The following ADGRB3 variants were observed in gnomAD, a reference collection of about 807,000 sequenced individuals.
ADGRB3 encodes adhesion G protein-coupled receptor B3, also known as brain-specific angiogenesis inhibitor 3.
In ADGRB3, 37 loss-of-function variants were observed where a neutral mutation model predicts 193.4. The observed-to-expected ratio is 0.19, with a 90% CI of 0.15 to 0.25. The LOEUF is 0.25. Ranked by LOEUF, ADGRB3 falls within the 10% of genes least tolerant of loss-of-function variation. ADGRB3 has a pLI of 1.00. For synonymous variants in ADGRB3, 690 were observed against 644.2 expected, an observed-to-expected ratio of 1.07 and a Z score of -1.08; for missense variants, 1,637 against 1,852.9, an observed-to-expected ratio of 0.88 and a Z score of 2.14.
intron 20 of ADGRB3, among the ~76,000 whole-genome samples, chr6:69,316,992 T>C (rs1304485671): frequency 6.6e-6 from 1 of 151,560 alleles, no homozygotes; most frequent in Non-Finnish European, 1.5e-5. Flanking sequence ...GCGTAGTTAC[T>C]ATTTTTTGAT....
chr6:68,767,891 C>G (rs555769083), intron 3 of ADGRB3, among the ~76,000 whole-genome samples: 3 of 152,012 alleles, frequency 2.0e-5, no homozygotes, highest in East Asian at 3.9e-4. Flanking sequence ...CCCTATACAC[C>G]AATGTTAGAT....
chr6:69,153,212 A>T (rs1189338680), intron 17 of ADGRB3, among the ~76,000 whole-genome samples: 1 of 152,210 alleles, frequency 6.6e-6, no homozygotes. Flanking sequence ...TAGGGCAGAG[A>T]TTAACCCATG....
At chr6:69,029,976 GCACA>G (rs10653397) in intron 13 of ADGRB3, among the ~76,000 whole-genome samples, 15,344 of 145,216 alleles carry the variant, frequency 0.11, 990 homozygotes, top group Non-Finnish European at 0.16. Flanking sequence ...TATATAGAAT[GCACA>G]CACACACACA....
At chr6:69,339,761 G>T (rs774686270) in intron 26 of ADGRB3, among the ~76,000 whole-genome samples, 1 of 152,132 alleles carries the variant, frequency 6.6e-6, no homozygotes, top group Non-Finnish European at 1.5e-5. Context: ...AGGAAGAATA[G>T]ATTTAAAAGA....
At chr6:68,704,206 A>G (rs1287201159) in intron 3 of ADGRB3, among the ~76,000 whole-genome samples, 2 of 152,226 alleles carry the variant, frequency 1.3e-5, no homozygotes, top group African/African-American at 2.4e-5. Context: ...ACTATTGAGC[A>G]AAGCATGATG....
chr6:69,162,375 T>C (rs1244206205), intron 17 of ADGRB3, among the ~76,000 whole-genome samples: 2 of 152,118 alleles, frequency 1.3e-5, no homozygotes, highest in Non-Finnish European at 2.9e-5. Context: ...AAAAGAACTG[T>C]GTGGAGCTAA....
intron 17 of ADGRB3, among the ~76,000 whole-genome samples, chr6:69,169,626 G>T (rs1271341471): frequency 2.6e-5 from 4 of 151,148 alleles, no homozygotes; most frequent in Non-Finnish European, 4.4e-5. Context: ...AATACCATAG[G>T]TATTGAGAAT....
intron 3 of ADGRB3, among the ~76,000 whole-genome samples, chr6:68,824,332 T>G (rs1443092376): frequency 6.6e-6 from 1 of 151,740 alleles, no homozygotes; most frequent in African/African-American, 2.4e-5. Context: ...CAATTGCATT[T>G]TAAATTATAA....
chr6:69,212,797 G>A (rs542296558), intron 17 of ADGRB3, among the ~76,000 whole-genome samples: 6 of 152,308 alleles, frequency 3.9e-5, no homozygotes, highest in Non-Finnish European at 7.4e-5. Context: ...TTATCAGCAA[G>A]TCAGAACCAG....
At chr6:68,950,182 T>C (rs1767878078) in intron 6 of ADGRB3, among the ~76,000 whole-genome samples, 1 of 152,070 alleles carries the variant, frequency 6.6e-6, no homozygotes, top group African/African-American at 2.4e-5. Flanking sequence ...GCCTCTTGAG[T>C]AGCTGAGACT....
intron 17 of ADGRB3, among the ~76,000 whole-genome samples, chr6:69,104,901 A>G (rs931197571): frequency 5.3e-5 from 8 of 152,186 alleles, no homozygotes; most frequent in Admixed American, 5.2e-4. Context: ...CATCCAAAAG[A>G]TATTTTTCTT....
intron 17 of ADGRB3, among the ~76,000 whole-genome samples, chr6:69,191,619 G>A (rs548686038): frequency 1.3e-5 from 2 of 152,008 alleles, no homozygotes; most frequent in African/African-American, 4.8e-5. Context: ...CAAAGCTTTG[G>A]GGATTACAAA....
chr6:68,801,493 G>A (rs112043087), intron 3 of ADGRB3, among the ~76,000 whole-genome samples: 1 of 151,960 alleles, frequency 6.6e-6, no homozygotes, highest in South Asian at 2.1e-4. Flanking sequence ...TTTCAGACCA[G>A]CCTGGTCAAC....
intron 3 of ADGRB3, among the ~76,000 whole-genome samples, chr6:68,726,952 G>A (rs1765685274): frequency 6.6e-6 from 1 of 151,546 alleles, no homozygotes; most frequent in Non-Finnish European, 1.5e-5. Flanking sequence ...TGGAAACTAA[G>A]ATCTCTTGAA....
At chr6:68,969,263 G>A (rs1474506180) in intron 8 of ADGRB3, among the ~76,000 whole-genome samples, 1 of 152,122 alleles carries the variant, frequency 6.6e-6, no homozygotes, top group African/African-American at 2.4e-5. Flanking sequence ...AGAGTTATTG[G>A]AGAATACATC....
At chr6:68,923,359 CA>C (rs969561125) in intron 3 of ADGRB3, among the ~76,000 whole-genome samples, 31 of 152,052 alleles carry the variant, frequency 2.0e-4, no homozygotes, top group Middle Eastern at 3.4e-3. Flanking sequence ...TCTTTCAACT[CA>C]ATTGATTGTA....
At chr6:68,903,239 G>T (rs1766447102) in intron 3 of ADGRB3, among the ~76,000 whole-genome samples, 1 of 151,980 alleles carries the variant, frequency 6.6e-6, no homozygotes, top group Admixed American at 6.6e-5. Context: ...AACATTTCAG[G>T]ATATAAAATT....
rs117046439 is a variant in ADGRB3 at position 69,098,272 on chromosome 6, C to T, written c.2480+22234C>T. Among the ~76,000 whole-genome samples, 49 of 152,240 alleles carry T rather than the reference C, an allele frequency of 3.2e-4. No homozygotes were observed. In the East Asian group the frequency reaches 8.5e-3, roughly 26 times the overall value. ...TACTTTGAATATCAGACATAAATCA[C>T]CTACTTCAAGTATTATTAATTTGGG... On this transcript the variant is annotated intron_variant, in intron 17 of 31. Coordinates refer to ENST00000370598, the MANE Select transcript of ADGRB3 (RefSeq NM_001704.3).
intron 6 of ADGRB3, among the ~76,000 whole-genome samples, chr6:68,950,213 C>G (rs574067923): frequency 1.4e-3 from 215 of 152,112 alleles, no homozygotes; most frequent in African/African-American, 5.0e-3. Flanking sequence ...AATACCATAC[C>G]CAACTAACTT....
Sources: allele counts gnomAD v4.1 joint callset (sites outside exome capture counted in the v4.1 genomes callset), GRCh38; gene constraint gnomAD v4.1.1; transcripts MANE v1.5; gene names NCBI Gene and HGNC (gene_info 2026-07-23, HGNC 2026-07-21).